VAV3: variants seen among roughly 807,000 people sequenced by gnomAD.
VAV3 encodes guanine nucleotide exchange factor VAV3.
Under a neutral mutation model 131.2 loss-of-function variants are expected in VAV3, and 94 were observed. The ratio of observed to expected loss-of-function variants is 0.72; its 90% CI spans 0.61 to 0.85. The LOEUF is 0.85. Ranked by LOEUF, VAV3 falls within the 40% of genes least tolerant of loss-of-function variation. VAV3 has a pLI of 0.00. For missense variants in VAV3, 939 were observed against 1,002.7 expected, an observed-to-expected ratio of 0.94 and a Z score of 0.86; for synonymous variants, 349 against 342.0, an observed-to-expected ratio of 1.02 and a Z score of -0.22.
At chr1:107,866,165 C>CCAAGCATA (rs1669977247) in intron 2 of VAV3, among the ~76,000 whole-genome samples, 1 of 152,124 alleles carries the variant, frequency 6.6e-6, no homozygotes, top group Admixed American at 6.5e-5. Context: ...TGGGTCTCTT[C>CCAAGCATA]CAAGCATACT....
At chr1:107,927,896 G>A (rs1254395228) in intron 1 of VAV3, among the ~76,000 whole-genome samples, 1 of 152,170 alleles carries the variant, frequency 6.6e-6, no homozygotes, top group Non-Finnish European at 1.5e-5. Context: ...TTCACCACCT[G>A]CTGATGGTAG....
intron 1 of VAV3, among the ~76,000 whole-genome samples, chr1:107,944,928 C>T (rs896505188): frequency 3.3e-5 from 5 of 152,078 alleles, no homozygotes; most frequent in South Asian, 2.1e-4. Context: ...TTTGAACCTG[C>T]GGAAGTTAAG....
At chr1:107,785,326 T>C (rs957204639) in intron 2 of VAV3, 2 of 900,002 alleles carry the variant, frequency 2.2e-6, no homozygotes, top group Admixed American at 5.1e-5. Context: ...TGCTAATTAA[T>C]TATGGATTTA....
At chr1:107,806,013 T>TATAGCATGGTACTG (rs1667044878) in intron 2 of VAV3, among the ~76,000 whole-genome samples, 1 of 152,102 alleles carries the variant, frequency 6.6e-6, no homozygotes. Flanking sequence ...ATGTACCACC[T>TATAGCATGGTACTG]ATAGCATGGT....
chr1:107,866,407 G>A (rs1248873433), intron 2 of VAV3, among the ~76,000 whole-genome samples: 1 of 152,128 alleles, frequency 6.6e-6, no homozygotes, highest in Non-Finnish European at 1.5e-5. Flanking sequence ...GGAAGATTAT[G>A]TTGAAGATGA....
intron 25 of VAV3, among the ~76,000 whole-genome samples, chr1:107,575,709 T>C (rs541990856): frequency 6.6e-6 from 1 of 152,332 alleles, no homozygotes; most frequent in East Asian, 1.9e-4. Flanking sequence ...GGCCACATTT[T>C]TTCTCATCTA....
chr1:107,883,347 T>G (rs1256703371), intron 1 of VAV3, among the ~76,000 whole-genome samples: 2 of 152,180 alleles, frequency 1.3e-5, no homozygotes, highest in Non-Finnish European at 2.9e-5. Context: ...TAGTAAATAT[T>G]TGAGAGTAAA....
intron 24 of VAV3, among the ~76,000 whole-genome samples, chr1:107,600,382 T>C (rs1409832880): frequency 6.6e-6 from 1 of 152,216 alleles, no homozygotes. Flanking sequence ...CCTTTGCTAA[T>C]GTTTGTTAGT....
chr1:107,759,162 G>T (rs1187106828), intron 10 of VAV3, among the ~76,000 whole-genome samples: 1 of 152,154 alleles, frequency 6.6e-6, no homozygotes, highest in Non-Finnish European at 1.5e-5. Context: ...TCCGAGTAGG[G>T]TCTGTCGTAT....
rs76882803 is a variant in VAV3 at position 107,611,067 on chromosome 1, C to G, written c.1981-1102G>C. On this transcript the variant is annotated intron_variant, in intron 21 of 26. Coordinates refer to ENST00000370056, the MANE Select transcript of VAV3 (RefSeq NM_006113.5). ...CATCCCTTATCTGCAATCCTTGGGA[C>G]TAGAGATGTTTCACATTTTGGATTT... is the stretch of plus-strand genomic sequence containing the variant. 7.5e-3 allele frequency among the ~76,000 whole-genome samples: 1,139 copies of G among 152,250 alleles called. 7 individuals carry two copies. Among genetic ancestry groups the G allele is most frequent in the East Asian group, 0.024 (127 of 5,188 alleles).
intron 2 of VAV3, among the ~76,000 whole-genome samples, chr1:107,809,292 T>C (rs1436504652): frequency 6.6e-6 from 1 of 152,152 alleles, no homozygotes; most frequent in Non-Finnish European, 1.5e-5. Flanking sequence ...GTCTGAGAAA[T>C]CAACACTAAC....
intron 1 of VAV3, among the ~76,000 whole-genome samples, chr1:107,938,783 T>C (rs1346600279): frequency 1.3e-5 from 2 of 152,154 alleles, no homozygotes; most frequent in Non-Finnish European, 1.5e-5. Context: ...AAAAGAACAA[T>C]GAAAAAGGAA....
intron 25 of VAV3, among the ~76,000 whole-genome samples, chr1:107,594,845 T>C (rs1651245007): frequency 6.6e-6 from 1 of 152,082 alleles, no homozygotes; most frequent in Non-Finnish European, 1.5e-5. Flanking sequence ...TTCTCCCTCC[T>C]AGGCTCTCTA....
At chr1:107,711,051 T>C (rs1024268411) in intron 15 of VAV3, among the ~76,000 whole-genome samples, 1 of 152,176 alleles carries the variant, frequency 6.6e-6, no homozygotes, top group Non-Finnish European at 1.5e-5. Context: ...TTCTGGAAGA[T>C]CTAATCACTG....
At chr1:107,600,563 T>C (rs1414333610) in intron 24 of VAV3, among the ~76,000 whole-genome samples, 1 of 152,250 alleles carries the variant, frequency 6.6e-6, no homozygotes, top group African/African-American at 2.4e-5. Context: ...ACTTTAGTCC[T>C]GTGACAAGTA....
intron 9 of VAV3, among the ~76,000 whole-genome samples, chr1:107,762,942 G>A (rs1240284604): frequency 6.6e-6 from 1 of 152,202 alleles, no homozygotes; most frequent in Non-Finnish European, 1.5e-5. Flanking sequence ...GAGCCAGGCT[G>A]ATAGGGCAAG....
intron 21 of VAV3, among the ~76,000 whole-genome samples, chr1:107,617,215 C>T (rs1433838771): frequency 6.6e-6 from 1 of 152,088 alleles, no homozygotes; most frequent in East Asian, 1.9e-4. Context: ...TAATATCGCC[C>T]TGTAACCCAA....
chr1:107,630,243 A>G (rs1654352957), intron 20 of VAV3, among the ~76,000 whole-genome samples: 1 of 152,132 alleles, frequency 6.6e-6, no homozygotes, highest in Admixed American at 6.5e-5. Flanking sequence ...CGGGTTCTCT[A>G]GTTTCTGGTT....
At chr1:107,860,975 TA>T (rs1375255306) in intron 2 of VAV3, among the ~76,000 whole-genome samples, 1 of 151,746 alleles carries the variant, frequency 6.6e-6, no homozygotes, top group Non-Finnish European at 1.5e-5. Flanking sequence ...TGTGCTGCTC[TA>T]AAACCAATGG....
Sources: gnomAD v4.1 joint callset for allele counts (sites outside exome capture counted in the v4.1 genomes callset) on GRCh38, gnomAD v4.1.1 for gene constraint, MANE v1.5 for transcripts, NCBI Gene and HGNC (gene_info 2026-07-23, HGNC 2026-07-21) for gene names.